Variants in F2R observed in about 807,000 individuals in gnomAD.
F2R encodes proteinase-activated receptor 1.
Under a neutral mutation model 18.3 loss-of-function variants are expected in F2R, and 12 were observed. The ratio of observed to expected loss-of-function variants is 0.66; its 90% CI spans 0.42 to 1.06. The LOEUF (loss-of-function observed/expected upper bound fraction) is 1.06, where lower values mean the gene tolerates loss of function less well. Ranked by LOEUF, F2R falls within the 50% of genes least tolerant of loss-of-function variation. F2R has a pLI of 0.00. For missense variants in F2R, 438 were observed against 530.8 expected (o/e 0.83, Z 1.72); for synonymous variants, 210 against 219.9 (o/e 0.95, Z 0.40).
chr5:76,716,315 C>A lies in F2R; in HGVS notation c.8C>A (p.Pro3Gln). 3 of 1,410,700 alleles carry A rather than the reference C, an allele frequency of 2.1e-6. No homozygotes were observed. Among genetic ancestry groups the A allele is most frequent in the Non-Finnish European group, 2.8e-6 (3 of 1,085,012 alleles). The allele number at this position is 1,410,700 out of a possible 1,614,324, so 87.4% of individuals were successfully genotyped here. MGPRRLLLVAACF... is the reference protein window; with the variant it reads MGQRRLLLVAACF... ...CGCGCAGAGCCCGGGACAATGGGGC[C>A]GCGGCGGCTGCTGCTGGTGGCCGCC... Residue 3 changes from proline (P) to glutamine (Q), a missense_variant, in exon 1 of 2, where the codon CCG becomes CAG. Coordinates refer to ENST00000319211, the MANE Select transcript of F2R (RefSeq NM_001992.5).
In F2R at chr5:76,733,075, A is replaced by G. The variant is rs2150583972; in HGVS notation, c.850A>G (p.Ile284Val). ...FSAVFFFVPL[I>V]ISTVCYVSII... Reference sequence around the variant, plus strand: ...TGCTGTCTTCTTTTTTGTGCCGCTGATCATTTCCACGGTCTGTTATGTGTC... The same window carrying G: ...TGCTGTCTTCTTTTTTGTGCCGCTGGTCATTTCCACGGTCTGTTATGTGTC... Residue 284 changes from isoleucine to valine, a missense_variant, in exon 2 of 2, where the codon ATC becomes GTC. Physicochemically the swap from Ile to Val is conservative, Grantham distance 29. Transcript: ENST00000319211. 1 of 1,614,100 alleles carries G rather than the reference A, an allele frequency of 6.2e-7. No homozygotes were observed. The highest frequency in any genetic ancestry group is 2.2e-5 in the East Asian group (1 of 44,874).
chr5:76,724,922 G>A (rs1748529054), intron 1 of F2R, among the ~76,000 whole-genome samples: 1 of 152,206 alleles, frequency 6.6e-6, no homozygotes, highest in Non-Finnish European at 1.5e-5. Flanking sequence ...TTCCAGTAAT[G>A]CTGGTGTTTT....
At chr5:76,724,093 T>C (rs1030924077) in intron 1 of F2R, among the ~76,000 whole-genome samples, 2 of 152,176 alleles carry the variant, frequency 1.3e-5, no homozygotes, top group African/African-American at 2.4e-5. Context: ...TTGAGACACA[T>C]TCTTACTCTG....
At chr5:76,717,962 G>A (rs1748376181) in intron 1 of F2R, among the ~76,000 whole-genome samples, 1 of 152,174 alleles carries the variant, frequency 6.6e-6, no homozygotes, top group Non-Finnish European at 1.5e-5. Flanking sequence ...AGAAAGGCAG[G>A]TGGATGAACT....
chr5:76,718,487 G>C (rs1377604100), intron 1 of F2R, among the ~76,000 whole-genome samples: 1 of 152,216 alleles, frequency 6.6e-6, no homozygotes, highest in South Asian at 2.1e-4. Context: ...GTGCCAAGAG[G>C]GGCGGTGAAG....
At position 76,733,454 on chromosome 5, in the gene F2R, C is replaced by A. The variant is rs763581096; in HGVS notation, c.1229C>A (p.Thr410Asn). Residue 410 changes from threonine (T) to asparagine (N), a missense_variant, in exon 2 of 2, where the codon ACC (threonine) becomes AAC (asparagine). Thr to Asn is a moderately conservative substitution (Grantham distance 65). Coordinates refer to ENST00000319211, the MANE Select transcript of F2R (RefSeq NM_001992.5). Reference protein sequence around the residue: ...SGQLMASKMDTCSSNLNNSIY... With the variant: ...SGQLMASKMDNCSSNLNNSIY... ...CAGTTGATGGCAAGTAAAATGGATA[C>A]CTGCTCTAGTAACCTGAATAACAGC... The A allele has an allele frequency of 1.2e-6, 2 of 1,613,990 alleles. No homozygotes were observed. The highest frequency in any genetic ancestry group is 2.7e-5 in the African/African-American group (2 of 74,928).
intron 1 of F2R, among the ~76,000 whole-genome samples, chr5:76,723,015 T>C (rs1748494506): frequency 6.6e-6 from 1 of 152,234 alleles, no homozygotes; most frequent in Non-Finnish European, 1.5e-5. Context: ...TTTGTTCACT[T>C]ACTGCTCTTG....
Position 76,733,395 on chromosome 5 carries a change from A to T in F2R, c.1170A>T (p.Glu390Asp), listed in dbSNP as rs913485952. 1 of 1,614,214 alleles carries T rather than the reference A, an allele frequency of 6.2e-7. No homozygotes were observed. The highest frequency in any genetic ancestry group is 1.3e-5 in the African/African-American group (1 of 75,056). The change falls in exon 2 of 2, where the codon GAA (glutamate) becomes GAT (aspartate). Residue 390 changes from glutamate to aspartate, a missense_variant. By Grantham distance (45) the Glu-to-Asp change is conservative (BLOSUM62 2). Transcript: ENST00000319211. ...RYVYSILCCK[E>D]SSDPSSYNSS... Reference sequence around the variant, plus strand: ...TCTACAGTATCTTATGCTGCAAAGAAAGTTCCGATCCCAGCAGTTATAACA... The same window carrying T: ...TCTACAGTATCTTATGCTGCAAAGATAGTTCCGATCCCAGCAGTTATAACA...
intron 1 of F2R, among the ~76,000 whole-genome samples, chr5:76,725,987 A>G (rs1182028548): frequency 6.6e-6 from 1 of 152,166 alleles, no homozygotes; most frequent in East Asian, 1.9e-4. Flanking sequence ...TGTCATCTTG[A>G]TTCATGTATG....
intron 1 of F2R, chr5:76,716,633 G>T (rs1250060752): frequency 2.7e-6 from 2 of 738,822 alleles, no homozygotes; most frequent in East Asian, 2.6e-5. Flanking sequence ...CGCCTGCCAC[G>T]GGGTGTTGGA....
intron 1 of F2R, among the ~76,000 whole-genome samples, chr5:76,721,314 G>C (rs1278245526): frequency 6.6e-6 from 1 of 151,792 alleles, no homozygotes; most frequent in Non-Finnish European, 1.5e-5. Flanking sequence ...TCTTTCTCTT[G>C]CTTGTGCCTA....
chr5:76,728,685 C>CTTTTTTTTTT lies in F2R; in HGVS notation c.89-3615_89-3606dup, dbSNP rs763418437. Among the ~76,000 whole-genome samples, 16 of 90,522 alleles carry CTTTTTTTTTT rather than the reference C, an allele frequency of 1.8e-4. 1 individual carries two copies. The highest frequency in any genetic ancestry group is 1.8e-4 in the Non-Finnish European group (9 of 49,258). The allele number at this position is 90,522 out of a possible 152,430, so 59.4% of individuals were successfully genotyped here. On this transcript the variant is annotated intron_variant, in intron 1 of 1. Coordinates refer to ENST00000319211, the MANE Select transcript of F2R (RefSeq NM_001992.5). ...AGATTGCAGCTATTGACATCCTGGT[C>CTTTTTTTTTT]TTTTTTTTTTTTTTTTTTTTTTTGA...
In F2R at chr5:76,732,586, A is replaced by G; in HGVS notation, c.361A>G (p.Ile121Val). 1.2e-6 allele frequency: 2 copies of G among 1,614,172 alleles called. No individual in the cohort carries two copies. Among genetic ancestry groups the G allele is most frequent in the Non-Finnish European group, 1.7e-6 (2 of 1,180,022 alleles). Reference protein sequence around the residue: ...GVFVVSLPLNIMAIVVFILKM... With the variant: ...GVFVVSLPLNVMAIVVFILKM... ...GTTTGTAGTCAGCCTCCCACTAAAC[A>G]TCATGGCCATCGTTGTGTTCATCCT... is the stretch of plus-strand genomic sequence containing the variant. The change falls in exon 2 of 2, where the codon ATC becomes GTC. Residue 121 changes from isoleucine to valine, a missense_variant. Transcript: ENST00000319211.
chr5:76,724,792 G>A (rs1026773712), intron 1 of F2R, among the ~76,000 whole-genome samples: 1 of 152,212 alleles, frequency 6.6e-6, no homozygotes, highest in Admixed American at 6.5e-5. Context: ...ATTCTTTGAA[G>A]ATGTTCAATG....
chr5:76,716,904 A>C (rs939796777), intron 1 of F2R: 1 of 490,438 alleles, frequency 2.0e-6, no homozygotes, highest in Non-Finnish European at 3.6e-6. Context: ...CATGTTTAGC[A>C]GAGAATCAGT....
chr5:76,719,158 C>G (rs972674468), intron 1 of F2R, among the ~76,000 whole-genome samples: 13 of 152,232 alleles, frequency 8.5e-5, no homozygotes, highest in African/African-American at 3.1e-4. Context: ...GGAGTACTGA[C>G]TACAGCTGAC....
chr5:76,730,792 G>A (rs1748654867), intron 1 of F2R, among the ~76,000 whole-genome samples: 1 of 152,116 alleles, frequency 6.6e-6, no homozygotes, highest in Non-Finnish European at 1.5e-5. Context: ...ACTATACATT[G>A]GGAGTTCCTA....
At chr5:76,723,977 G>GT (rs1748513101) in intron 1 of F2R, among the ~76,000 whole-genome samples, 1 of 152,146 alleles carries the variant, frequency 6.6e-6, no homozygotes, top group Non-Finnish European at 1.5e-5. Flanking sequence ...AAAAACATCA[G>GT]TAAGCATCCT....
chr5:76,717,193 T>G (rs1398546038), intron 1 of F2R, among the ~76,000 whole-genome samples: 1 of 152,228 alleles, frequency 6.6e-6, no homozygotes, highest in Non-Finnish European at 1.5e-5. Flanking sequence ...AGTAGTCTAT[T>G]TTTAAGTATC....
Sources: allele counts gnomAD v4.1 joint callset (sites outside exome capture counted in the v4.1 genomes callset), GRCh38; gene constraint gnomAD v4.1.1; transcripts MANE v1.5; gene names NCBI Gene and HGNC (gene_info 2026-07-23, HGNC 2026-07-21).